Variants in IGFL2 observed in about 807,000 individuals in gnomAD.
The protein encoded by IGFL2 is insulin growth factor-like family member 2.
In IGFL2, 7 loss-of-function variants were observed where a neutral mutation model predicts 13.9. That is an observed-to-expected ratio of 0.51 (90% CI 0.29 to 0.95). IGFL2 has a LOEUF of 0.95. Ranked by LOEUF, IGFL2 falls within the 40% of genes least tolerant of loss-of-function variation. The pLI, the probability that IGFL2 is intolerant of heterozygous loss-of-function variation, is 0.08. For synonymous variants in IGFL2, 55 were observed against 55.8 expected (o/e 0.99, Z 0.07); for missense variants, 138 against 147.8 (o/e 0.93, Z 0.34).
the IGFL2 span, chr19:46,198,501 T>G: frequency 5.9e-5 from 9 of 152,086 alleles, 1 homozygote; most frequent in Admixed American, 3.3e-4. Context: ...TGAACGAAGG[T>G]TTCACTACAA....
At chr19:46,125,705 G>A in the IGFL2 span, among the ~76,000 whole-genome samples, 1 of 152,122 alleles carries the variant, frequency 6.6e-6, no homozygotes, top group Non-Finnish European at 1.5e-5. Flanking sequence ...CATGTGCGGA[G>A]GTGTGGGGTG....
intron 1 of IGFL2, among the ~76,000 whole-genome samples, chr19:46,149,837 CAT>C (rs1371198174): frequency 6.6e-6 from 1 of 152,168 alleles, no homozygotes; most frequent in African/African-American, 2.4e-5. Context: ...CTGTTACAAA[CAT>C]ATGTATACAT....
At chr19:46,082,399 G>A in the IGFL2 span, among the ~76,000 whole-genome samples, 20 of 152,300 alleles carry the variant, frequency 1.3e-4, no homozygotes, top group East Asian at 3.5e-3. Flanking sequence ...TAATTCTCTT[G>A]ATCCCCACAG....
At chr19:46,199,854 C>T in the IGFL2 span, among the ~76,000 whole-genome samples, 1 of 152,212 alleles carries the variant, frequency 6.6e-6, no homozygotes, top group Non-Finnish European at 1.5e-5. Context: ...CCAGGCCATG[C>T]CTGCACCCTT....
At chr19:46,180,265 A>C in the IGFL2 span, among the ~76,000 whole-genome samples, 1 of 145,002 alleles carries the variant, frequency 6.9e-6, no homozygotes, top group African/African-American at 2.6e-5. Flanking sequence ...TGCAACCTCC[A>C]CCTCCCGAGT....
the IGFL2 span, among the ~76,000 whole-genome samples, chr19:46,109,609 C>A: frequency 6.6e-6 from 1 of 152,078 alleles, no homozygotes; most frequent in South Asian, 2.1e-4. Context: ...AGACACCGCG[C>A]CCGGCCCAAA....
downstream of IGFL2, among the ~76,000 whole-genome samples, chr19:46,166,254 AAG>A (rs1241626456): frequency 1.6e-4 from 24 of 152,212 alleles, no homozygotes; most frequent in Admixed American, 1.6e-3. Flanking sequence ...CAGAGTACGA[AAG>A]AGAGAAATTT....
At chr19:46,129,309 G>T in the IGFL2 span, among the ~76,000 whole-genome samples, 290 of 46,414 alleles carry the variant, frequency 6.2e-3, 3 homozygotes, top group African/African-American at 0.021. Context: ...TTGATCTTTT[G>T]TGTGTGTGTG....
upstream of IGFL2, among the ~76,000 whole-genome samples, chr19:46,139,796 A>G (rs1972773229): frequency 6.6e-6 from 1 of 152,202 alleles, no homozygotes; most frequent in Non-Finnish European, 1.5e-5. Context: ...TGAACAATAC[A>G]ACTAACACAC....
chr19:46,099,973 G>A, the IGFL2 span, among the ~76,000 whole-genome samples: 2 of 151,974 alleles, frequency 1.3e-5, no homozygotes, highest in East Asian at 1.9e-4. Context: ...CAGCTCCATC[G>A]GGTCATTTAT....
chr19:46,118,345 A>G, the IGFL2 span, among the ~76,000 whole-genome samples: 1 of 152,214 alleles, frequency 6.6e-6, no homozygotes, highest in South Asian at 2.1e-4. Context: ...GAGGTTCACC[A>G]GAGAAGAGAT....
chr19:46,134,354 AAGG>A, the IGFL2 span, among the ~76,000 whole-genome samples: 1 of 152,156 alleles, frequency 6.6e-6, no homozygotes, highest in Admixed American at 6.5e-5. Flanking sequence ...TCCATGGACA[AAGG>A]AGGAGGGGGA....
At chr19:46,149,503 C>T (rs1383144781) in intron 1 of IGFL2, among the ~76,000 whole-genome samples, 1 of 151,586 alleles carries the variant, frequency 6.6e-6, no homozygotes, top group Non-Finnish European at 1.5e-5. Context: ...TAGCCCCCGA[C>T]CACCGCATGC....
At chr19:46,213,093 A>G in the IGFL2 span, 2 of 152,474 alleles carry the variant, frequency 1.3e-5, no homozygotes, top group Admixed American at 6.5e-5. Context: ...GGGGTTAGCA[A>G]TGTACCAAGG....
chr19:46,178,736 G>A, the IGFL2 span, among the ~76,000 whole-genome samples: 2 of 152,068 alleles, frequency 1.3e-5, no homozygotes, highest in Non-Finnish European at 2.9e-5. Context: ...GAAAATCTTT[G>A]AATCCACCCA....
At chr19:46,122,171 C>A in the IGFL2 span, among the ~76,000 whole-genome samples, 1 of 151,124 alleles carries the variant, frequency 6.6e-6, no homozygotes. Context: ...ACATCCACTT[C>A]CATTGCCCTG....
At chr19:46,110,778 T>C in the IGFL2 span, among the ~76,000 whole-genome samples, 20 of 152,344 alleles carry the variant, frequency 1.3e-4, no homozygotes, top group South Asian at 3.7e-3. Context: ...TTAGAACTCA[T>C]TACTATTTGT....
At chr19:46,199,993 C>T in the IGFL2 span, among the ~76,000 whole-genome samples, 1 of 152,162 alleles carries the variant, frequency 6.6e-6, no homozygotes, top group Non-Finnish European at 1.5e-5. Context: ...TCTCCTGCCT[C>T]AGCCTCCCGA....
chr19:46,163,365 C>G (rs187697180), downstream of IGFL2, among the ~76,000 whole-genome samples: 4 of 152,230 alleles, frequency 2.6e-5, no homozygotes, highest in East Asian at 5.8e-4. Flanking sequence ...TGCTTGTCTC[C>G]TGGGGGCTCC....
Sources: gnomAD v4.1 joint callset for allele counts (sites outside exome capture counted in the v4.1 genomes callset) on GRCh38, gnomAD v4.1.1 for gene constraint, MANE v1.5 for transcripts, NCBI Gene and HGNC (gene_info 2026-07-23, HGNC 2026-07-21) for gene names.